Variants in UBE2R2 observed in about 807,000 individuals in gnomAD.
UBE2R2 encodes the protein ubiquitin conjugating enzyme E2 R2, also known as ubiquitin-conjugating enzyme E2 R2.
Under a neutral mutation model 27.8 loss-of-function variants are expected in UBE2R2, and 1 was observed. That is an observed-to-expected ratio of 0.04 (90% CI 0.01 to 0.17). The LOEUF is 0.17. UBE2R2 is among the 10% of genes least tolerant of loss of function. The probability of loss-of-function intolerance (pLI) is 1.00; values close to 1 mark genes in which losing one functional copy is unlikely to be tolerated. For synonymous variants in UBE2R2, 106 were observed against 113.3 expected, an observed-to-expected ratio of 0.94 and a Z score of 0.41; for missense variants, 100 against 291.0, an observed-to-expected ratio of 0.34 and a Z score of 4.78.
intron 1 of UBE2R2, among the ~76,000 whole-genome samples, chr9:33,864,146 CTGATGTTCA>C (rs1296621386): frequency 2.0e-5 from 3 of 152,010 alleles, no homozygotes; most frequent in Non-Finnish European, 2.9e-5. Context: ...ATTTTATCTG[CTGATGTTCA>C]TATATGTAAG....
chr9:33,880,914 C>G (rs1821719561), intron 1 of UBE2R2, among the ~76,000 whole-genome samples: 1 of 152,204 alleles, frequency 6.6e-6, no homozygotes, highest in Admixed American at 6.5e-5. Flanking sequence ...ACCCTTCCCA[C>G]TCCTCCGCCC....
Position 33,900,230 on chromosome 9 carries a change from A to G in UBE2R2, c.321A>G (p.Gly107=), listed in dbSNP as rs924179172. 1.9e-6 allele frequency: 3 copies of G among 1,613,280 alleles called. No individual in the cohort carries two copies. The Admixed American group carries it at 5.0e-5, about 27-fold the overall frequency. Residue 107 remains glycine (G), a synonymous_variant, in exon 3 of 5, where the codon GGA becomes GGG. Coordinates refer to ENST00000263228, the MANE Select transcript of UBE2R2 (RefSeq NM_017811.4). ...LHPPVDDPQS[G]ELPSERWNPT... ...CGCCTGTAGATGACCCACAGAGTGG[A>G]GAACTGCCTTCTGAAAGGTGGAATC...
At chr9:33,892,004 A>G (rs1022690470) in intron 2 of UBE2R2, among the ~76,000 whole-genome samples, 9 of 152,054 alleles carry the variant, frequency 5.9e-5, no homozygotes, top group Non-Finnish European at 8.8e-5. Context: ...GTGTGTGTGC[A>G]TATATATATT....
chr9:33,832,383 G>A (rs1026563453), intron 1 of UBE2R2, among the ~76,000 whole-genome samples: 4 of 149,986 alleles, frequency 2.7e-5, no homozygotes, highest in East Asian at 4.0e-4. Flanking sequence ...TCGGCCGGGC[G>A]CTGTGGCTCA....
chr9:33,867,066 T>G (rs1371885902), intron 1 of UBE2R2, among the ~76,000 whole-genome samples: 1 of 152,218 alleles, frequency 6.6e-6, no homozygotes, highest in Non-Finnish European at 1.5e-5. Flanking sequence ...CTGGTTTTTT[T>G]GGTGGTAAAG....
intron 2 of UBE2R2, among the ~76,000 whole-genome samples, chr9:33,898,613 C>T (rs931361501): frequency 2.6e-5 from 4 of 152,080 alleles, no homozygotes; most frequent in African/African-American, 9.6e-5. Flanking sequence ...AATCTTAAGT[C>T]GTGTGTGGTA....
At chr9:33,893,001 A>G (rs777258916) in intron 2 of UBE2R2, among the ~76,000 whole-genome samples, 1 of 152,210 alleles carries the variant, frequency 6.6e-6, no homozygotes, top group Non-Finnish European at 1.5e-5. Flanking sequence ...CTTGAGCCCA[A>G]GAGTTCGAAG....
At chr9:33,847,639 A>T (rs549654145) in intron 1 of UBE2R2, among the ~76,000 whole-genome samples, 1 of 151,594 alleles carries the variant, frequency 6.6e-6, no homozygotes, top group Non-Finnish European at 1.5e-5. Context: ...TCTCTTCTTC[A>T]TTAACCTACG....
intron 3 of UBE2R2, among the ~76,000 whole-genome samples, chr9:33,911,421 A>AAAAC (rs1822485913): frequency 1.3e-5 from 2 of 149,480 alleles, no homozygotes; most frequent in Admixed American, 1.3e-4. Flanking sequence ...AAAAAAAAAA[A>AAAAC]AAAAAAAAAA....
At chr9:33,894,085 T>C (rs1377062777) in intron 2 of UBE2R2, among the ~76,000 whole-genome samples, 1 of 152,120 alleles carries the variant, frequency 6.6e-6, no homozygotes, top group Non-Finnish European at 1.5e-5. Context: ...CCACCAGCAG[T>C]GTGTGTGTGT....
chr9:33,910,610 C>T (rs1822462436), intron 3 of UBE2R2, among the ~76,000 whole-genome samples: 1 of 152,224 alleles, frequency 6.6e-6, no homozygotes, highest in African/African-American at 2.4e-5. Context: ...CAGCATCTCA[C>T]TTGGTGCCTC....
At chr9:33,910,556 T>C (rs1416206123) in intron 3 of UBE2R2, among the ~76,000 whole-genome samples, 1 of 152,232 alleles carries the variant, frequency 6.6e-6, no homozygotes, top group Non-Finnish European at 1.5e-5. Context: ...TTGTAAGCCA[T>C]GGGAGACCAG....
At position 33,818,502 on chromosome 9, in the gene UBE2R2, TG is replaced by T. The variant is rs1233868111; in HGVS notation, c.177+570del. ...GCCAACTTTGCATTCCAATGGGTGG[TG>T]GTGAAGAATGGGACCCTAGGGGTGG... On this transcript the variant is annotated intron_variant, in intron 1 of 4. Coordinates refer to ENST00000263228, the MANE Select transcript of UBE2R2 (RefSeq NM_017811.4). 1.6e-4 allele frequency: 15 copies of T among 93,488 alleles called. No individual in the cohort carries two copies. In the East Asian group the frequency reaches 4.9e-3, roughly 31 times the overall value. The allele number at this position is 93,488 out of a possible 1,614,324, so 5.8% of individuals were successfully genotyped here.
intron 1 of UBE2R2, among the ~76,000 whole-genome samples, chr9:33,874,058 C>T (rs142130368): frequency 0.079 from 11,963 of 151,768 alleles, 677 homozygotes; most frequent in Non-Finnish European, 0.12. Context: ...AGCAATTCTC[C>T]TGTCTCAGCC....
intron 1 of UBE2R2, 51 bp from the exon 2 acceptor site, chr9:33,886,830 A>G: frequency 6.9e-7 from 1 of 1,444,542 alleles, no homozygotes; most frequent in South Asian, 1.3e-5. Context: ...TATTAGGCAG[A>G]TGAATAAGTT....
At chr9:33,870,748 A>G (rs768472970) in intron 1 of UBE2R2, among the ~76,000 whole-genome samples, 6 of 152,216 alleles carry the variant, frequency 3.9e-5, no homozygotes, top group Non-Finnish European at 7.3e-5. Context: ...TAATTTCACA[A>G]CTGAGTGAAG....
At chr9:33,832,435 T>C (rs570288031) in intron 1 of UBE2R2, among the ~76,000 whole-genome samples, 1 of 152,140 alleles carries the variant, frequency 6.6e-6, no homozygotes, top group African/African-American at 2.4e-5. Flanking sequence ...GGTGGGCGGA[T>C]CACAAGGTCA....
In UBE2R2 at chr9:33,917,233, C is replaced by G; in HGVS notation, c.713C>G (p.Ser238Trp). The change falls in exon 5 of 5, where the codon TCG becomes TGG. Residue 238 changes from serine (S) to tryptophan (W), a missense_variant. By Grantham distance (177) the Ser-to-Trp change is radical. Coordinates refer to ENST00000263228, the MANE Select transcript of UBE2R2 (RefSeq NM_017811.4). ...YDDDDSGNEES is the reference protein window; with the variant it reads ...YDDDDSGNEEW Reference sequence around the variant, plus strand: ...GATGATGATTCTGGGAATGAGGAGTCGTGACGTGCTCCTTCAGTGCCCCTG... The same window carrying G: ...GATGATGATTCTGGGAATGAGGAGTGGTGACGTGCTCCTTCAGTGCCCCTG... The G allele has an allele frequency of 6.2e-7, 1 of 1,614,072 alleles. No individual in the cohort carries two copies. Among genetic ancestry groups the G allele is most frequent in the Non-Finnish European group, 8.5e-7 (1 of 1,180,032 alleles).
intron 1 of UBE2R2, among the ~76,000 whole-genome samples, chr9:33,870,069 A>G (rs1821454434): frequency 6.6e-6 from 1 of 151,958 alleles, no homozygotes; most frequent in African/African-American, 2.4e-5. Context: ...CTGGTCTTGA[A>G]GTCCTGACCT....
Sources: gnomAD v4.1 joint callset for allele counts (sites outside exome capture counted in the v4.1 genomes callset) on GRCh38, gnomAD v4.1.1 for gene constraint, MANE v1.5 for transcripts, NCBI Gene and HGNC (gene_info 2026-07-23, HGNC 2026-07-21) for gene names.